TSPAN18: variants seen among roughly 807,000 people sequenced by gnomAD.
The protein encoded by TSPAN18 is tetraspanin 18, also known as tetraspanin-18.
In TSPAN18, 14 loss-of-function variants were observed where a neutral mutation model predicts 27.3. That is an observed-to-expected ratio of 0.51 (90% CI 0.34 to 0.80). TSPAN18 has a LOEUF of 0.80. Ranked by LOEUF, TSPAN18 falls within the 30% of genes least tolerant of loss-of-function variation. TSPAN18 has a pLI of 0.01. For missense variants in TSPAN18, 268 were observed against 323.9 expected, an observed-to-expected ratio of 0.83 and a Z score of 1.32; for synonymous variants, 143 against 136.5, an observed-to-expected ratio of 1.05 and a Z score of -0.33.
chr11:44,779,083 C>T (rs12577173), intron 2 of TSPAN18, among the ~76,000 whole-genome samples: 1 of 152,016 alleles, frequency 6.6e-6, no homozygotes, highest in Non-Finnish European at 1.5e-5. Flanking sequence ...AGCCCCAGGC[C>T]ACATGTATCT....
chr11:44,872,079 A>G (rs1466732662), intron 3 of TSPAN18, among the ~76,000 whole-genome samples: 1 of 151,624 alleles, frequency 6.6e-6, no homozygotes, highest in Non-Finnish European at 1.5e-5. Context: ...ACCCACCACC[A>G]CCACGCCTGG....
rs944313640 is a variant in TSPAN18 at position 44,809,506 on chromosome 11, A to G, written c.-153+44994A>G. On this transcript the variant is annotated intron_variant, in intron 2 of 9. Transcript: ENST00000520358. ...GGAGCCATTTGAGAAGCAGAGAGCC[A>G]CAGGTCCATAGATGCGTCTGGCTGT... Among the ~76,000 whole-genome samples, 14 of 152,372 alleles carry G rather than the reference A, an allele frequency of 9.2e-5. 1 individual carries two copies. Among genetic ancestry groups the G allele is most frequent in the African/African-American group, 3.4e-4 (14 of 41,588 alleles).
At chr11:44,754,633 T>C (rs1408742578) in intron 1 of TSPAN18, among the ~76,000 whole-genome samples, 2 of 152,230 alleles carry the variant, frequency 1.3e-5, no homozygotes, top group Non-Finnish European at 2.9e-5. Context: ...GGATTAATAC[T>C]ATGGTGTTGG....
At chr11:44,729,887 C>A (rs1403798274) in intron 1 of TSPAN18, among the ~76,000 whole-genome samples, 1 of 152,122 alleles carries the variant, frequency 6.6e-6, no homozygotes, top group Admixed American at 6.5e-5. Context: ...GGGAAAATAG[C>A]AGATTTGAAA....
At chr11:44,781,000 C>T (rs541331083) in intron 2 of TSPAN18, among the ~76,000 whole-genome samples, 49 of 152,296 alleles carry the variant, frequency 3.2e-4, no homozygotes, top group Middle Eastern at 3.4e-3. Flanking sequence ...TTTTTCTGTC[C>T]CTTTAAGAGA....
chr11:44,922,383 G>T (rs1304762586), intron 8 of TSPAN18, among the ~76,000 whole-genome samples: 1 of 152,208 alleles, frequency 6.6e-6, no homozygotes, highest in Non-Finnish European at 1.5e-5. Flanking sequence ...CTCCCCAAGT[G>T]CTGGGATTAC....
intron 3 of TSPAN18, among the ~76,000 whole-genome samples, chr11:44,896,402 T>C (rs985161203): frequency 6.6e-6 from 1 of 152,160 alleles, no homozygotes; most frequent in African/African-American, 2.4e-5. Flanking sequence ...GTGGGGATGA[T>C]GGTGTGATAC....
intron 2 of TSPAN18, among the ~76,000 whole-genome samples, chr11:44,857,945 CTATTT>C (rs1857780344): frequency 6.6e-6 from 1 of 152,206 alleles, no homozygotes; most frequent in Non-Finnish European, 1.5e-5. Context: ...AGTTCACACT[CTATTT>C]TAAACAGTCT....
chr11:44,854,683 C>A (rs561666759), intron 2 of TSPAN18, among the ~76,000 whole-genome samples: 36 of 152,312 alleles, frequency 2.4e-4, no homozygotes, highest in African/African-American at 7.2e-4. Flanking sequence ...ATCCTGGACA[C>A]TGTGGGGACC....
intron 2 of TSPAN18, among the ~76,000 whole-genome samples, chr11:44,773,949 C>T (rs999089118): frequency 1.3e-5 from 2 of 152,270 alleles, no homozygotes; most frequent in East Asian, 1.9e-4. Context: ...TTGGAGCCTG[C>T]GAGGCTGCCT....
intron 3 of TSPAN18, chr11:44,897,715 T>C (rs976311083): frequency 4.8e-6 from 6 of 1,254,932 alleles, no homozygotes; most frequent in Non-Finnish European, 6.3e-6. Flanking sequence ...TTTATTGACT[T>C]CCTGTAGTAA....
intron 3 of TSPAN18, among the ~76,000 whole-genome samples, chr11:44,882,897 C>T (rs1023643870): frequency 6.6e-6 from 1 of 152,202 alleles, no homozygotes; most frequent in Non-Finnish European, 1.5e-5. Context: ...ACCAGTTTGC[C>T]TGATTTGAGC....
chr11:44,929,629 T>C lies in TSPAN18; in HGVS notation c.*451T>C, dbSNP rs1860493248. On this transcript the variant is annotated 3_prime_UTR_variant, in exon 10 of 10. Transcript: ENST00000520358. ...GGGCTGCACGGAGATTCAGCTGCCATGTCTTTGAGGACTCGGAACCCACAG... is the reference window on the plus strand; with the variant it reads ...GGGCTGCACGGAGATTCAGCTGCCACGTCTTTGAGGACTCGGAACCCACAG... The C allele has an allele frequency of 6.1e-6, 1 of 164,836 alleles. No homozygotes were observed. Among genetic ancestry groups the C allele is most frequent in the African/African-American group, 2.4e-5 (1 of 41,768 alleles). 10.2% of individuals were successfully genotyped at this position (164,836 alleles called of 1,614,324 possible).
rs369703331 is a variant in TSPAN18, at chr11:44,917,956, G to T, written c.259-16G>T. 2 of 1,613,976 alleles carry T rather than the reference G, an allele frequency of 1.2e-6. No homozygotes were observed. Among genetic ancestry groups the T allele is most frequent in the Admixed American group, 3.3e-5 (2 of 60,020 alleles). The stretch of plus-strand genomic sequence containing the variant: ...GCCTGCCCTCTGGGCTCACAAGGCT[G>T]TTCCTCTCCCTGCAGTTCTTCCTGT... On this transcript the variant is annotated splice_polypyrimidine_tract_variant and intron_variant, in intron 5 of 9. Transcript: ENST00000520358.
At chr11:44,750,020 C>G (rs1855175280) in intron 1 of TSPAN18, among the ~76,000 whole-genome samples, 2 of 152,038 alleles carry the variant, frequency 1.3e-5, no homozygotes, top group South Asian at 4.2e-4. Context: ...CCCTCCCCAA[C>G]TCACCTCCTC....
rs1370195771 is a variant in TSPAN18, at chr11:44,919,234, C to T, written c.354C>T (p.Thr118=). Residue 118 remains threonine (T), a synonymous_variant, in exon 7 of 10, where the codon ACC becomes ACT. Coordinates refer to ENST00000520358, the MANE Select transcript of TSPAN18 (RefSeq NM_130783.5). ...CCCAGCTCACCCGAGAATTCTTCAC[C>T]AAGGAGCTCACCAAGCACTACCAGG... is the stretch of plus-strand genomic sequence containing the variant. ...FRENLTREFF[T]KELTKHYQGN... 8.7e-6 allele frequency: 14 copies of T among 1,613,952 alleles called. No homozygotes were observed. Among genetic ancestry groups the T allele is most frequent in the Non-Finnish European group, 8.5e-6 (10 of 1,179,976 alleles).
intron 2 of TSPAN18, among the ~76,000 whole-genome samples, chr11:44,851,917 C>T (rs1425116636): frequency 6.6e-6 from 1 of 152,180 alleles, no homozygotes; most frequent in Admixed American, 6.5e-5. Context: ...TCAGAACACT[C>T]CCCAGCCTCT....
chr11:44,742,139 C>T (rs1167162495), intron 1 of TSPAN18, among the ~76,000 whole-genome samples: 1 of 152,112 alleles, frequency 6.6e-6, no homozygotes, highest in Non-Finnish European at 1.5e-5. Flanking sequence ...AAATATTTGT[C>T]TGAAGCATAG....
At chr11:44,762,947 C>T (rs1026739393) in intron 1 of TSPAN18, among the ~76,000 whole-genome samples, 1 of 152,090 alleles carries the variant, frequency 6.6e-6, no homozygotes, top group East Asian at 1.9e-4. Flanking sequence ...CACTACACTA[C>T]GGAAACCAAC....
Sources: gnomAD v4.1 joint callset for allele counts (sites outside exome capture counted in the v4.1 genomes callset) on GRCh38, gnomAD v4.1.1 for gene constraint, MANE v1.5 for transcripts, NCBI Gene and HGNC (gene_info 2026-07-23, HGNC 2026-07-21) for gene names.